ZBTB8A: variants seen among roughly 807,000 people sequenced by gnomAD.
ZBTB8A encodes the protein zinc finger and BTB domain-containing protein 8A.
ZBTB8A carries 19 observed loss-of-function variants against 37.8 expected under a neutral mutation model. The ratio of observed to expected loss-of-function variants is 0.50; its 90% CI spans 0.35 to 0.74. ZBTB8A has a LOEUF of 0.74. Ranked by LOEUF, ZBTB8A falls within the 30% of genes least tolerant of loss-of-function variation. The pLI is 0.01. For missense variants in ZBTB8A, 394 were observed against 537.8 expected, an observed-to-expected ratio of 0.73 and a Z score of 2.65; for synonymous variants, 181 against 185.2, an observed-to-expected ratio of 0.98 and a Z score of 0.19.
chr1:32,557,174 C>T (rs1377852237), intron 2 of ZBTB8A, among the ~76,000 whole-genome samples: 2 of 151,840 alleles, frequency 1.3e-5, no homozygotes, highest in Admixed American at 6.6e-5. Flanking sequence ...TGATGGTGTG[C>T]GCCTGTAGTC....
intron 2 of ZBTB8A, among the ~76,000 whole-genome samples, chr1:32,571,912 T>C (rs1463624787): frequency 6.6e-6 from 1 of 151,892 alleles, no homozygotes; most frequent in Non-Finnish European, 1.5e-5. Flanking sequence ...TTTTTTTGTT[T>C]GTTTTTTTTG....
intron 2 of ZBTB8A, among the ~76,000 whole-genome samples, chr1:32,579,958 G>A (rs12119070): frequency 0.11 from 17,387 of 152,042 alleles, 1,096 homozygotes; most frequent in African/African-American, 0.18. Context: ...ATATTCACAC[G>A]TTGTAGTTAG....
intron 2 of ZBTB8A, among the ~76,000 whole-genome samples, chr1:32,557,190 T>C (rs1644210019): frequency 6.6e-6 from 1 of 151,836 alleles, no homozygotes; most frequent in African/African-American, 2.4e-5. Flanking sequence ...TAGTCCCAGC[T>C]ACTTGGGAAG....
chr1:32,547,100 C>T (rs371604696), intron 1 of ZBTB8A, among the ~76,000 whole-genome samples: 9 of 151,588 alleles, frequency 5.9e-5, no homozygotes, highest in African/African-American at 1.9e-4. Flanking sequence ...GATGAGGTCT[C>T]GCCATGTTGC....
intron 4 of ZBTB8A, among the ~76,000 whole-genome samples, chr1:32,596,953 T>C (rs6678903): frequency 0.14 from 20,795 of 152,106 alleles, 1,675 homozygotes; most frequent in African/African-American, 0.24. Flanking sequence ...CTGGTAGGAT[T>C]TCAGTCTAGT....
At chr1:32,589,206 G>A (rs1644470234) in intron 2 of ZBTB8A, among the ~76,000 whole-genome samples, 1 of 152,084 alleles carries the variant, frequency 6.6e-6, no homozygotes, top group Non-Finnish European at 1.5e-5. Context: ...TTGAGACAGA[G>A]TCTTGTTGTG....
intron 2 of ZBTB8A, among the ~76,000 whole-genome samples, 183 bp from the exon 3 acceptor site, chr1:32,592,748 C>T (rs111453410): frequency 0.11 from 17,253 of 151,936 alleles, 1,069 homozygotes; most frequent in African/African-American, 0.18. Context: ...CTCAGGTGAT[C>T]TCCCCCGCAT....
intron 2 of ZBTB8A, among the ~76,000 whole-genome samples, chr1:32,568,185 T>C (rs1644298302): frequency 6.6e-6 from 1 of 152,058 alleles, no homozygotes; most frequent in African/African-American, 2.4e-5. Context: ...TACAGTAAAA[T>C]GCCCCCATTG....
chr1:32,574,098 T>C (rs1644343277), intron 2 of ZBTB8A, among the ~76,000 whole-genome samples: 2 of 151,748 alleles, frequency 1.3e-5, no homozygotes, highest in Admixed American at 1.3e-4. Context: ...AAATAATAAA[T>C]AAAATAATAA....
At chr1:32,553,826 C>T (rs954198463) in intron 2 of ZBTB8A, among the ~76,000 whole-genome samples, 3 of 142,892 alleles carry the variant, frequency 2.1e-5, no homozygotes, top group Non-Finnish European at 4.5e-5. Context: ...GTGGAGGTTG[C>T]GGTGAACCAA....
Position 32,600,520 on chromosome 1 carries a change from C to A in ZBTB8A, c.*101C>A. On this transcript the variant is annotated 3_prime_UTR_variant, in exon 5 of 5. Transcript: ENST00000373510. ...GAGTCTAGTTAACAAATTTATCACA[C>A]TGACTTTAAAGAAATGATCTGATAT... 1 of 855,134 alleles carries A rather than the reference C, an allele frequency of 1.2e-6. No individual in the cohort carries two copies. Among genetic ancestry groups the A allele is most frequent in the Non-Finnish European group, 1.8e-6 (1 of 554,314 alleles). The allele number at this position is 855,134 out of a possible 1,614,324, so 53.0% of individuals were successfully genotyped here. A position where few individuals can be genotyped will look rare whatever the true frequency, so the allele number is the denominator to read the frequency against.
chr1:32,584,064 G>T (rs896215357), intron 2 of ZBTB8A, among the ~76,000 whole-genome samples: 1 of 152,016 alleles, frequency 6.6e-6, no homozygotes, highest in Non-Finnish European at 1.5e-5. Flanking sequence ...GACCAAGGAG[G>T]AGAGAATACT....
At chr1:32,579,382 C>T (rs976960904) in intron 2 of ZBTB8A, among the ~76,000 whole-genome samples, 1 of 149,678 alleles carries the variant, frequency 6.7e-6, no homozygotes, top group African/African-American at 2.5e-5. Flanking sequence ...ACCCGGGAGG[C>T]GGAGGTTGCA....
In ZBTB8A at chr1:32,584,048, A is replaced by G. The variant is rs112883289; in HGVS notation, c.-1-8883A>G. Among the ~76,000 whole-genome samples, 381 of 152,164 alleles carry G rather than the reference A, an allele frequency of 2.5e-3. 1 individual carries two copies. Among genetic ancestry groups the G allele is most frequent in the African/African-American group, 8.7e-3 (360 of 41,526 alleles). On this transcript the variant is annotated intron_variant, in intron 2 of 4. Transcript: ENST00000373510. ...GCTGGGATTACAGGTGTAAGCCACCACACCTGACCAAGGAGGAGAGAATAC... is the reference window on the plus strand; with the variant it reads ...GCTGGGATTACAGGTGTAAGCCACCGCACCTGACCAAGGAGGAGAGAATAC...
chr1:32,552,865 A>G (rs1405688565), intron 1 of ZBTB8A, among the ~76,000 whole-genome samples: 3 of 149,026 alleles, frequency 2.0e-5, no homozygotes, highest in African/African-American at 7.3e-5. Flanking sequence ...TGATCATTCT[A>G]TTATTAATAA....
In ZBTB8A at chr1:32,567,791, CAAAAA is replaced by C. The variant is rs1214976482; in HGVS notation, c.-2+14279_-2+14283del. 2.0e-3 allele frequency among the ~76,000 whole-genome samples: 13 copies of C among 6,440 alleles called. No individual in the cohort carries two copies. The Admixed American group carries it at 0.028, about 14-fold the overall frequency. The allele number at this position is 6,440 out of a possible 152,430, so 4.2% of individuals were successfully genotyped here. A position where few individuals can be genotyped will look rare whatever the true frequency, so the allele number is the denominator to read the frequency against. ...TGGGTGATAGAGCAGGATTCTGTCT[CAAAAA>C]AAAAAAAAAAAAAAAAAAAAAAAAA... is the stretch of plus-strand genomic sequence containing the variant. On this transcript the variant is annotated intron_variant, in intron 2 of 4. Coordinates refer to ENST00000373510, the MANE Select transcript of ZBTB8A (RefSeq NM_001040441.3).
intron 2 of ZBTB8A, among the ~76,000 whole-genome samples, chr1:32,569,805 T>C (rs2148231494): frequency 6.7e-6 from 1 of 150,304 alleles, no homozygotes; most frequent in African/African-American, 2.4e-5. Flanking sequence ...CTGTAAAAAA[T>C]AGAGATAGGG....
At chr1:32,580,550 G>GAA (rs112268131) in intron 2 of ZBTB8A, among the ~76,000 whole-genome samples, 34 of 136,908 alleles carry the variant, frequency 2.5e-4, no homozygotes, top group African/African-American at 8.8e-4. Context: ...GATTCTGTCT[G>GAA]AAAAAAAAAA....
At chr1:32,589,984 A>G (rs1441297005) in intron 2 of ZBTB8A, among the ~76,000 whole-genome samples, 1 of 152,160 alleles carries the variant, frequency 6.6e-6, no homozygotes, top group Admixed American at 6.6e-5. Context: ...GCTTGGATTC[A>G]GAGACCCACC....
Sources: gnomAD v4.1 joint callset for allele counts (sites outside exome capture counted in the v4.1 genomes callset) on GRCh38, gnomAD v4.1.1 for gene constraint, MANE v1.5 for transcripts, NCBI Gene and HGNC (gene_info 2026-07-23, HGNC 2026-07-21) for gene names.